OPA3: variants seen among roughly 807,000 people sequenced by gnomAD.
The protein encoded by OPA3 is optic atrophy 3 protein.
OPA3 carries 6 observed loss-of-function variants against 4.0 expected under a neutral mutation model. The ratio of observed to expected loss-of-function variants is 1.51; its 90% CI spans 0.83 to 2.99. The LOEUF (loss-of-function observed/expected upper bound fraction) is 2.99. OPA3 is among the 30% of genes most tolerant of loss of function. The pLI is 0.00. For synonymous variants in OPA3, 105 were observed against 117.1 expected (o/e 0.90, Z 0.67); for missense variants, 235 against 256.2 (o/e 0.92, Z 0.56).
chr19:45,553,083 G>T lies in OPA3; in HGVS notation c.*431C>A. 1 of 1,117,310 alleles carries T rather than the reference G, an allele frequency of 9.0e-7. No homozygotes were observed. Among genetic ancestry groups the T allele is most frequent in the Non-Finnish European group, 1.1e-6 (1 of 907,840 alleles). The allele number at this position is 1,117,310 out of a possible 1,614,324, so 69.2% of individuals were successfully genotyped here. ...CAACACACTGCATTTCCTTACAGTG[G>T]TCTGTGCCGATTGACAAAAAGAAGA... On this transcript the variant is annotated 3_prime_UTR_variant, in exon 2 of 2. Coordinates refer to ENST00000263275, the MANE Select transcript of OPA3 (RefSeq NM_025136.4).
intron 1 of OPA3, among the ~76,000 whole-genome samples, chr19:45,530,414 A>G (rs1969046378): frequency 6.6e-6 from 1 of 151,996 alleles, no homozygotes; most frequent in Non-Finnish European, 1.5e-5. Context: ...CCCATGAACT[A>G]TATGGAATTC....
At position 45,553,377 on chromosome 19, in the gene OPA3, G is replaced by A; in HGVS notation, c.*137C>T. The A allele has an allele frequency of 1.3e-6, 2 of 1,570,868 alleles. No individual in the cohort carries two copies. The highest frequency in any genetic ancestry group is 4.5e-5 in the East Asian group (2 of 44,088). ...TGGCAGGTAACGGCTGCTCTTATCA[G>A]CAGGGGTAACCAAATGCCAAGTTGC... On this transcript the variant is annotated 3_prime_UTR_variant, in exon 2 of 2. Coordinates refer to ENST00000263275, the MANE Select transcript of OPA3 (RefSeq NM_025136.4).
Position 45,548,411 on chromosome 19 carries a change from T to C in OPA3, c.*5103A>G, listed in dbSNP as rs1186003456. The C allele has an allele frequency of 1.0e-6, 1 of 985,272 alleles. No individual in the cohort carries two copies. The highest frequency in any genetic ancestry group is 1.7e-5 in the African/African-American group (1 of 57,190). The allele number at this position is 985,272 out of a possible 1,614,324, so 61.0% of individuals were successfully genotyped here. A position where few individuals can be genotyped will look rare whatever the true frequency, so the allele number is the denominator to read the frequency against. The stretch of plus-strand genomic sequence containing the variant: ...ACAGCCCTCAGGGCACCTCCCAGGG[T>C]TTTGTGAGCTGGGATGAATGGGTTT... On this transcript the variant is annotated 3_prime_UTR_variant, in exon 2 of 2. Coordinates refer to ENST00000263275, the MANE Select transcript of OPA3 (RefSeq NM_025136.4).
intron 1 of OPA3, among the ~76,000 whole-genome samples, chr19:45,558,724 T>TG (rs1969457902): frequency 6.6e-6 from 1 of 150,610 alleles, no homozygotes; most frequent in African/African-American, 2.4e-5. Context: ...GTTCTGCTGT[T>TG]TTTTTTTTTT....
intron 1 of OPA3, among the ~76,000 whole-genome samples, chr19:45,572,097 G>GTATA (rs35201042): frequency 2.1e-4 from 30 of 141,470 alleles, no homozygotes; most frequent in Non-Finnish European, 3.8e-4. Flanking sequence ...TTCATGTGGT[G>GTATA]TATATATATA....
At chr19:45,562,694 T>A (rs968411789) in intron 1 of OPA3, among the ~76,000 whole-genome samples, 1 of 151,928 alleles carries the variant, frequency 6.6e-6, no homozygotes, top group African/African-American at 2.4e-5. Context: ...TCAAAAAAAA[T>A]ATAAATAAAT....
downstream of OPA3, among the ~76,000 whole-genome samples, chr19:45,542,139 C>T (rs528972305): frequency 1.3e-5 from 2 of 152,268 alleles, no homozygotes; most frequent in African/African-American, 4.8e-5. Flanking sequence ...CAAGTGAAGC[C>T]GGCTACTTCC....
intron 1 of OPA3, among the ~76,000 whole-genome samples, chr19:45,562,916 T>A (rs1969527082): frequency 6.6e-6 from 1 of 152,180 alleles, no homozygotes; most frequent in South Asian, 2.1e-4. Flanking sequence ...CTCTCTGTAC[T>A]TTTATTGTAA....
chr19:45,553,221 T>C lies in OPA3; in HGVS notation c.*293A>G. The C allele has an allele frequency of 3.6e-6, 5 of 1,381,936 alleles. No homozygotes were observed. In the South Asian group the frequency reaches 6.2e-5, roughly 17 times the overall value. 85.6% of individuals were successfully genotyped at this position (1,381,936 alleles called of 1,614,324 possible). A position where few individuals can be genotyped will look rare whatever the true frequency, so the allele number is the denominator to read the frequency against. On this transcript the variant is annotated 3_prime_UTR_variant, in exon 2 of 2. Coordinates refer to ENST00000263275, the MANE Select transcript of OPA3 (RefSeq NM_025136.4). ...TTCAGCTCAAGACCAGGTTCCATTT[T>C]TTCATTTGCCAGAGTGCCCACGGTG...
In OPA3 at chr19:45,548,652, A is replaced by AT; in HGVS notation, c.*4861dup. ...GGTAACTCAGTGAGTTTTGTGTTTT[A>AT]TTTTTTTTATTTTTTTTTTTTTTGC... On this transcript the variant is annotated 3_prime_UTR_variant, in exon 2 of 2. Transcript: ENST00000263275. The AT allele has an allele frequency of 3.7e-6, 3 of 818,552 alleles. No individual in the cohort carries two copies. In the South Asian group the frequency reaches 1.8e-4, roughly 49 times the overall value. 50.7% of individuals were successfully genotyped at this position (818,552 alleles called of 1,614,324 possible).
rs941929643 is a variant in OPA3 at position 45,549,412 on chromosome 19, C to T, written c.*4102G>A. On this transcript the variant is annotated 3_prime_UTR_variant, in exon 2 of 2. Transcript: ENST00000263275. ...GTGCGAAGTCTCTGAGATGTGAGAG[C>T]AGCACTCCATCTGGGTCAGGACAGC... The T allele has an allele frequency of 9.1e-6, 9 of 985,044 alleles. No homozygotes were observed. The highest frequency in any genetic ancestry group is 1.1e-5 in the Non-Finnish European group (9 of 829,916). 61.0% of individuals were successfully genotyped at this position (985,044 alleles called of 1,614,324 possible). A position where few individuals can be genotyped will look rare whatever the true frequency, so the allele number is the denominator to read the frequency against.
chr19:45,553,244 G>T lies in OPA3; in HGVS notation c.*270C>A. On this transcript the variant is annotated 3_prime_UTR_variant, in exon 2 of 2. Coordinates refer to ENST00000263275, the MANE Select transcript of OPA3 (RefSeq NM_025136.4). The stretch of plus-strand genomic sequence containing the variant: ...TTTTTCATTTGCCAGAGTGCCCACG[G>T]TGTCCTGCTGGCTGGGACCTTGCAG... The T allele has an allele frequency of 2.1e-6, 3 of 1,412,386 alleles. No homozygotes were observed. The highest frequency in any genetic ancestry group is 3.0e-5 in the Admixed American group (1 of 33,854). The allele number at this position is 1,412,386 out of a possible 1,614,324, so 87.5% of individuals were successfully genotyped here. A position where few individuals can be genotyped will look rare whatever the true frequency, so the allele number is the denominator to read the frequency against.
Position 45,577,461 on chromosome 19 carries a change from G to A in OPA3, c.142+7162C>T, listed in dbSNP as rs570119460. 3.9e-5 allele frequency among the ~76,000 whole-genome samples: 6 copies of A among 152,298 alleles called. No homozygotes were observed. The South Asian group carries it at 1.2e-3, about 32-fold the overall frequency. On this transcript the variant is annotated intron_variant, in intron 1 of 1. Coordinates refer to ENST00000263275, the MANE Select transcript of OPA3 (RefSeq NM_025136.4). ...GACACTAATGATGTAATTAAAAGGT[G>A]TAAATGTAAGAAGCCAGTACATTGC...
Position 45,578,405 on chromosome 19 carries a change from C to T in OPA3, c.142+6218G>A, listed in dbSNP as rs907270116. 2.0e-5 allele frequency among the ~76,000 whole-genome samples: 3 copies of T among 149,810 alleles called. No homozygotes were observed. The East Asian group carries it at 5.9e-4, about 29-fold the overall frequency. ...GCTCATCTGATCTTGTGCCCGCCCT[C>T]CCCCTCCCCCACCGCCACCCAGGAA... On this transcript the variant is annotated intron_variant, in intron 1 of 1. Coordinates refer to ENST00000263275, the MANE Select transcript of OPA3 (RefSeq NM_025136.4).
Position 45,546,488 on chromosome 19 carries a change from C to T in OPA3, c.*7026G>A, listed in dbSNP as rs903566118. 16 of 553,748 alleles carry T rather than the reference C, an allele frequency of 2.9e-5. No homozygotes were observed. The highest frequency in any genetic ancestry group is 2.7e-4 in the African/African-American group (13 of 48,830). The allele number at this position is 553,748 out of a possible 1,614,324, so 34.3% of individuals were successfully genotyped here. ...GTATAAATATGCACACGATGGATTA[C>T]ATAAACTCTGCTTTTTTTTTTTTTT... On this transcript the variant is annotated 3_prime_UTR_variant, in exon 2 of 2. Coordinates refer to ENST00000263275, the MANE Select transcript of OPA3 (RefSeq NM_025136.4).
intron 1 of OPA3, among the ~76,000 whole-genome samples, chr19:45,563,945 C>T (rs1360783428): frequency 3.0e-4 from 45 of 151,828 alleles, no homozygotes; most frequent in Admixed American, 3.0e-3. Context: ...CTGTCTTGGC[C>T]TCCCAAAGTG....
chr19:45,556,661 A>G (rs1287897810), intron 1 of OPA3, among the ~76,000 whole-genome samples: 1 of 152,048 alleles, frequency 6.6e-6, no homozygotes, highest in Non-Finnish European at 1.5e-5. Flanking sequence ...CCCAGCCACT[A>G]CACATTTTTC....
chr19:45,539,268 A>T (rs1950796636), intron 1 of OPA3, among the ~76,000 whole-genome samples: 2 of 152,100 alleles, frequency 1.3e-5, no homozygotes, highest in African/African-American at 4.8e-5. Context: ...AAAATGGTGC[A>T]GCCACTTTGG....
At chr19:45,530,029 C>T (rs1046210266) in intron 1 of OPA3, among the ~76,000 whole-genome samples, 1 of 152,146 alleles carries the variant, frequency 6.6e-6, no homozygotes, top group East Asian at 1.9e-4. Context: ...CCACGGAGCG[C>T]GGCCCTGAGG....
Sources: gnomAD v4.1 joint callset for allele counts (sites outside exome capture counted in the v4.1 genomes callset) on GRCh38, gnomAD v4.1.1 for gene constraint, MANE v1.5 for transcripts, NCBI Gene and HGNC (gene_info 2026-07-23, HGNC 2026-07-21) for gene names.